Variants in PRR22 observed in about 807,000 individuals in gnomAD.
PRR22 encodes the protein proline-rich protein 22.
PRR22 carries 5 observed loss-of-function variants against 7.2 expected under a neutral mutation model. That is an observed-to-expected ratio of 0.69 (90% CI 0.36 to 1.45). The LOEUF is 1.45. PRR22 is among the 40% of genes most tolerant of loss of function. The probability of loss-of-function intolerance (pLI) is 0.03; values close to 1 mark genes in which losing one functional copy is unlikely to be tolerated. For synonymous variants in PRR22, 319 were observed against 269.3 expected (o/e 1.18, Z -1.81); for missense variants, 619 against 568.8 (o/e 1.09, Z -0.90).
rs754898595 is a variant in PRR22, at chr19:5,783,451, C to A, written c.796G>T (p.Ala266Ser). 3.1e-6 allele frequency: 5 copies of A among 1,610,280 alleles called. No individual in the cohort carries two copies. The highest frequency in any genetic ancestry group is 8.5e-7 in the Non-Finnish European group (1 of 1,178,744). Residue 266 changes from alanine to serine, a missense_variant, in exon 3 of 3, where the codon GCA (alanine) becomes TCA (serine). Ala to Ser is a moderately conservative substitution (Grantham distance 99). Transcript: ENST00000419421. ...GTCTTGGGGGCCTTGGCCTTGCCTGCTCCCAGCAGGGCCCCCTCCTTGACC... is the reference window on the plus strand; with the variant it reads ...GTCTTGGGGGCCTTGGCCTTGCCTGATCCCAGCAGGGCCCCCTCCTTGACC... ...AEVKEGALLG[A>S]GKAKAPKTAR...
chr19:5,784,304 G>T, intron 2 of PRR22, 73 bp downstream of exon 2: 1 of 1,511,220 alleles, frequency 6.6e-7, no homozygotes. Flanking sequence ...CTTAGGGACG[G>T]GGCAGGGGCA....
In PRR22 at chr19:5,783,521, C is replaced by G; in HGVS notation, c.726G>C (p.Gly242=). Residue 242 remains glycine (G), a synonymous_variant, in exon 3 of 3, where the codon GGG becomes GGC. Transcript: ENST00000419421. ...TGAGGCCCGGTGGGTACAGGGGCAC[C>G]CCAGGTCGGGCCCCACTGCCCTGCA... The part of the protein sequence containing the change: ...KELQGSGARP[G]VPLYPPGLSE... 1 of 1,603,214 alleles carries G rather than the reference C, an allele frequency of 6.2e-7. No homozygotes were observed. Among genetic ancestry groups the G allele is most frequent in the South Asian group, 1.1e-5 (1 of 89,856 alleles).
Position 5,783,831 on chromosome 19 carries a change from C to T in PRR22, c.416G>A (p.Gly139Glu), listed in dbSNP as rs1387305265. 5.9e-6 allele frequency: 9 copies of T among 1,537,032 alleles called. No homozygotes were observed. Among genetic ancestry groups the T allele is most frequent in the Non-Finnish European group, 7.9e-6 (9 of 1,140,834 alleles). ...PYPHYQQAPG[G>E]PQFLLPYFPP... ...GAAGTAGGGCAAGAGAAACTGGGGC[C>T]CCCCGGGTGCCTGCTGGTAGTGGGG... The change falls in exon 3 of 3, where the codon GGG becomes GAG. Residue 139 changes from glycine (G) to glutamate (E), a missense_variant. Physicochemically the swap from Gly to Glu is moderately conservative, Grantham distance 98. Transcript: ENST00000419421.
At chr19:5,784,117 G>A (rs769172491) in intron 2 of PRR22, 64 bp from the exon 3 acceptor site, 5 of 1,459,678 alleles carry the variant, frequency 3.4e-6, no homozygotes, top group South Asian at 1.1e-5. Flanking sequence ...CCAAGCCTGG[G>A]GGCCTGTTTG....
Position 5,783,776 on chromosome 19 carries a change from C to T in PRR22, c.471G>A (p.Leu157=). ...FPPEGPGPEA[L]GFVGDAGPAA... ...CGGGCCCTGCGTCCCCCACAAAACC[C>T]AGAGCCTCTGGCCCGGGGCCCTCAG... Residue 157 remains leucine, a synonymous_variant, in exon 3 of 3, where the codon CTG becomes CTA. Coordinates refer to ENST00000419421, the MANE Select transcript of PRR22 (RefSeq NM_001134316.2). The T allele has an allele frequency of 6.7e-7, 1 of 1,488,008 alleles. No homozygotes were observed. The highest frequency in any genetic ancestry group is 1.4e-5 in the South Asian group (1 of 72,930). The allele number at this position is 1,488,008 out of a possible 1,614,324, so 92.2% of individuals were successfully genotyped here.
intron 2 of PRR22, 116 bp from the exon 3 acceptor site, chr19:5,784,169 G>T (rs1341625629): frequency 8.9e-7 from 1 of 1,120,152 alleles, no homozygotes; most frequent in Admixed American, 1.7e-5. Flanking sequence ...GCCCCTTTGG[G>T]GGACGACATA....
chr19:5,784,519 AC>A lies in PRR22; in HGVS notation c.130+11del, dbSNP rs773845130. 5.2e-6 allele frequency: 8 copies of A among 1,549,878 alleles called. No homozygotes were observed. In the East Asian group the frequency reaches 1.5e-4, roughly 28 times the overall value. On this transcript the variant is annotated intron_variant, in intron 1 of 2. Transcript: ENST00000419421. ...CCCTCTCCAGCAGGTGCTCCCACCC[AC>A]CCGATCGTACCCATAGCGGGAGGAG...
chr19:5,783,251 G>A lies in PRR22; in HGVS notation c.996C>T (p.Pro332=), dbSNP rs144461430. 3.0e-5 allele frequency: 48 copies of A among 1,612,692 alleles called. No individual in the cohort carries two copies. Among genetic ancestry groups the A allele is most frequent in the Admixed American group, 1.8e-4 (11 of 59,996 alleles). ...SADDIRSLCL[P]EELLSFDYSV... ...TGTAGTCAAAGGACAGCAGCTCCTC[G>A]GGCAGGCACAGCGAGCGGATGTCAT... is the stretch of plus-strand genomic sequence containing the variant. Residue 332 remains proline (P), a synonymous_variant, in exon 3 of 3, where the codon CCC becomes CCT. Transcript: ENST00000419421.
rs376319245 is a variant in PRR22 at position 5,784,001 on chromosome 19, G to A, written c.246C>T (p.Ile82=). The change falls in exon 3 of 3, where the codon ATC becomes ATT. Residue 82 remains isoleucine (I), a synonymous_variant. Coordinates refer to ENST00000419421, the MANE Select transcript of PRR22 (RefSeq NM_001134316.2). The part of the protein sequence containing the change: ...GCFFDPRIYR[I]EWTTPDLGQS... The stretch of plus-strand genomic sequence containing the variant: ...GGCCCAGGTCGGGGGTGGTCCACTC[G>A]ATCCGATAGATGCGGGGGTCGAAGA... 1.3e-4 allele frequency: 213 copies of A among 1,610,192 alleles called. No individual in the cohort carries two copies. Among genetic ancestry groups the A allele is most frequent in the African/African-American group, 4.8e-4 (36 of 74,878 alleles).
rs1313768001 is a variant in PRR22 at position 5,784,587 on chromosome 19, G to GC, written c.73dup (p.Ala25GlyfsTer2). On this transcript the variant is annotated frameshift_variant, in exon 1 of 3. Transcript: ENST00000419421. LOFTEE classifies it high-confidence loss of function. Reference sequence around the variant, plus strand: ...AGCAGGCTGGTTGCCCAGCACCTCAGCCCCCTCCAGACTCTGCGGGCTGAA... The same window carrying GC: ...AGCAGGCTGGTTGCCCAGCACCTCAGCCCCCCTCCAGACTCTGCGGGCTGAA... The GC allele has an allele frequency of 3.2e-6, 5 of 1,544,530 alleles. No homozygotes were observed. Among genetic ancestry groups the GC allele is most frequent in the Admixed American group, 3.9e-5 (2 of 50,974 alleles).
At position 5,784,398 on chromosome 19, in the gene PRR22, C is replaced by A; in HGVS notation, c.172G>T (p.Val58Leu). ...GTACCTGCTGGTGGGGCTGGAAACA[C>A]CTCTTTCTCTGGGTCTGGGGGATGA... ...LYHPPDPEKE[V>L]FPAPPAGFQM... Residue 58 changes from valine to leucine, a missense_variant, in exon 2 of 3, where the codon GTG (valine) becomes TTG (leucine). Val to Leu is a conservative substitution (Grantham distance 32, BLOSUM62 1). Coordinates refer to ENST00000419421, the MANE Select transcript of PRR22 (RefSeq NM_001134316.2). The A allele has an allele frequency of 6.3e-7, 1 of 1,593,646 alleles. No homozygotes were observed. Among genetic ancestry groups the A allele is most frequent in the Non-Finnish European group, 8.5e-7 (1 of 1,170,194 alleles).
chr19:5,784,223 C>G, intron 2 of PRR22, 154 bp downstream of exon 2: 1 of 1,082,118 alleles, frequency 9.2e-7, no homozygotes, highest in Non-Finnish European at 1.4e-6. Flanking sequence ...TGACACAGAG[C>G]TTGTCTTTGG....
Position 5,783,964 on chromosome 19 carries a change from A to ACTGGCC in PRR22, c.282_283insGGCCAG (p.Leu94_Tyr95insGlyGln). On this transcript the variant is annotated inframe_insertion, in exon 3 of 3. Transcript: ENST00000419421. ...CCCCCGCTGCTTGCTGCCAGCTTAT[A>ACTGGCC]CAGGGCTGACTGGCCCAGGTCGGGG... 1 of 1,604,950 alleles carries ACTGGCC rather than the reference A, an allele frequency of 6.2e-7. No individual in the cohort carries two copies. Among genetic ancestry groups the ACTGGCC allele is most frequent in the African/African-American group, 1.3e-5 (1 of 74,764 alleles).
chr19:5,783,669 G>A lies in PRR22; in HGVS notation c.578C>T (p.Pro193Leu), dbSNP rs1162120548. The change falls in exon 3 of 3, where the codon CCG becomes CTG. Residue 193 changes from proline (P) to leucine (L), a missense_variant. Coordinates refer to ENST00000419421, the MANE Select transcript of PRR22 (RefSeq NM_001134316.2). ...LPPPPPKENK[P>L]PPVLITLPAE... The stretch of plus-strand genomic sequence containing the variant: ...AGGCAGCGTGATGAGTACAGGGGGC[G>A]GCTTGTTCTCCTTGGGGGGTGGGGG... The A allele has an allele frequency of 9.2e-6, 14 of 1,527,520 alleles. No homozygotes were observed. The highest frequency in any genetic ancestry group is 3.8e-5 in the South Asian group (3 of 79,754). 94.6% of individuals were successfully genotyped at this position (1,527,520 alleles called of 1,614,324 possible).
In PRR22 at chr19:5,783,801, G is replaced by A; in HGVS notation, c.446C>T (p.Pro149Leu). ...CAGAGCCTCTGGCCCGGGGCCCTCA[G>A]GCGGGAAGTAGGGCAAGAGAAACTG... ...GPQFLLPYFP[P>L]EGPGPEALGF... Residue 149 changes from proline (P) to leucine (L), a missense_variant, in exon 3 of 3, where the codon CCT (proline) becomes CTT (leucine). Physicochemically the swap from Pro to Leu is moderately conservative, Grantham distance 98. Transcript: ENST00000419421. The A allele has an allele frequency of 6.6e-7, 1 of 1,507,582 alleles. No homozygotes were observed. Among genetic ancestry groups the A allele is most frequent in the Non-Finnish European group, 8.9e-7 (1 of 1,126,928 alleles). The allele number at this position is 1,507,582 out of a possible 1,614,324, so 93.4% of individuals were successfully genotyped here.
rs761300125 is a variant in PRR22, at chr19:5,783,131, AG to A, written c.1115del (p.Pro372LeufsTer?). ...DEEQPPHPGPPATNTPAPILS... is the reference protein window; with the variant it reads ...DEEQPPHPGPXATNTPAPILS... ...GAATGGGGGCCGGGGTGTTGGTGGC[AG>A]GGGGCCCCGGGTGGGGCGGCTGCTC... On this transcript the variant is annotated frameshift_variant, in exon 3 of 3. Coordinates refer to ENST00000419421, the MANE Select transcript of PRR22 (RefSeq NM_001134316.2). LOFTEE classifies it low-confidence loss of function (END_TRUNC). 6.2e-6 allele frequency: 10 copies of A among 1,612,292 alleles called. No individual in the cohort carries two copies. Among genetic ancestry groups the A allele is most frequent in the Admixed American group, 1.7e-5 (1 of 59,990 alleles).
In PRR22 at chr19:5,784,730, G is replaced by C; in HGVS notation, c.-70C>G. The C allele has an allele frequency of 6.7e-7, 1 of 1,499,210 alleles. No individual in the cohort carries two copies. Among genetic ancestry groups the C allele is most frequent in the Non-Finnish European group, 8.9e-7 (1 of 1,127,324 alleles). The allele number at this position is 1,499,210 out of a possible 1,614,324, so 92.9% of individuals were successfully genotyped here. On this transcript the variant is annotated 5_prime_UTR_variant, in exon 1 of 3. Transcript: ENST00000419421. Reference sequence around the variant, plus strand: ...TGGGAGTGCAAGTGGCCCAACCGGAGAACAGGCTGAGAACCTGGTGGGGTT... The same window carrying C: ...TGGGAGTGCAAGTGGCCCAACCGGACAACAGGCTGAGAACCTGGTGGGGTT...
Position 5,783,397 on chromosome 19 carries a change from C to T in PRR22, c.850G>A (p.Val284Ile). 6.2e-7 allele frequency: 1 copy of T among 1,612,654 alleles called. No individual in the cohort carries two copies. Among genetic ancestry groups the T allele is most frequent in the Non-Finnish European group, 8.5e-7 (1 of 1,179,942 alleles). ...AGCTTCATGGCGTCCTCCAGCAGAACCTTGTCAGGCAGTGCCAAAGCTCTG... is the reference window on the plus strand; with the variant it reads ...AGCTTCATGGCGTCCTCCAGCAGAATCTTGTCAGGCAGTGCCAAAGCTCTG... ...TARALALPDK[V>I]LLEDAMKLFD... Residue 284 changes from valine to isoleucine, a missense_variant, in exon 3 of 3, where the codon GTT becomes ATT. Coordinates refer to ENST00000419421, the MANE Select transcript of PRR22 (RefSeq NM_001134316.2).
In PRR22 at chr19:5,783,567, A is replaced by G. The variant is rs1271260162; in HGVS notation, c.680T>C (p.Leu227Pro). ...HLGHFPGPEP[L>P]AFPVKELQGS... ...CTGCAGCTCCTTGACGGGGAAGGCC[A>G]GGGGTTCGGGCCCAGGGAAGTGGCC... The change falls in exon 3 of 3, where the codon CTG becomes CCG. Residue 227 changes from leucine to proline, a missense_variant. Transcript: ENST00000419421. The G allele has an allele frequency of 2.5e-6, 4 of 1,604,694 alleles. No homozygotes were observed. Among genetic ancestry groups the G allele is most frequent in the Middle Eastern group, 3.3e-4 (2 of 6,030 alleles).
Sources: allele counts gnomAD v4.1 joint callset, GRCh38; gene constraint gnomAD v4.1.1; transcripts MANE v1.5; gene names NCBI Gene and HGNC (gene_info 2026-07-23, HGNC 2026-07-21).